SSUH2: variants seen among roughly 807,000 people sequenced by gnomAD.
SSUH2 encodes ssu-2 homolog.
In SSUH2, 47 loss-of-function variants were observed where a neutral mutation model predicts 55.3. That is an observed-to-expected ratio of 0.85 (90% CI 0.67 to 1.08). The LOEUF (loss-of-function observed/expected upper bound fraction) is 1.08, where lower values mean the gene tolerates loss of function less well. Among genes scored for constraint, SSUH2 ranks in the 50% least tolerant of loss-of-function variants. The pLI, the probability that SSUH2 is intolerant of heterozygous loss-of-function variation, is 0.00. For missense variants in SSUH2, 535 were observed against 490.7 expected (o/e 1.09, Z -0.85); for synonymous variants, 212 against 191.5 (o/e 1.11, Z -0.89).
Position 8,619,676 on chromosome 3 carries a change from G to C in SSUH2, c.*192C>G. On this transcript the variant is annotated 3_prime_UTR_variant, in exon 12 of 12. Coordinates refer to ENST00000544814, the MANE Select transcript of SSUH2 (RefSeq NM_001256748.3). Reference sequence around the variant, plus strand: ...CTGAATTATTGTAGGTTAAACATATGAGTCATGGATTCCACCAGAGGAGCT... The same window carrying C: ...CTGAATTATTGTAGGTTAAACATATCAGTCATGGATTCCACCAGAGGAGCT... 1.8e-6 allele frequency: 1 copy of C among 542,898 alleles called. No homozygotes were observed. 33.6% of individuals were successfully genotyped at this position (542,898 alleles called of 1,614,324 possible). A position where few individuals can be genotyped will look rare whatever the true frequency, so the allele number is the denominator to read the frequency against.
At chr3:8,633,202 G>A (rs1238886038) in intron 4 of SSUH2, among the ~76,000 whole-genome samples, 1 of 147,890 alleles carries the variant, frequency 6.8e-6, no homozygotes, top group Non-Finnish European at 1.5e-5. Flanking sequence ...GGAGTGCAAT[G>A]GCACCATCTC....
intron 1 of SSUH2, among the ~76,000 whole-genome samples, chr3:8,640,678 A>G (rs1308384405): frequency 6.6e-6 from 1 of 152,162 alleles, no homozygotes; most frequent in African/African-American, 2.4e-5. Flanking sequence ...GGAGAAAGGC[A>G]AGCCTGCTGG....
upstream of SSUH2, among the ~76,000 whole-genome samples, chr3:8,649,205 A>G (rs61302856): frequency 0.026 from 3,922 of 152,200 alleles, 187 homozygotes; most frequent in African/African-American, 0.089. Flanking sequence ...CCTCCTCCTC[A>G]AAGTCTTCTT....
chr3:8,650,332 A>T (rs1442932243), intron 7 of SSUH2, among the ~76,000 whole-genome samples: 1 of 152,242 alleles, frequency 6.6e-6, no homozygotes, highest in African/African-American at 2.4e-5. Context: ...CCAAGATAAA[A>T]ATCCCAAAAA....
At chr3:8,637,754 T>C (rs960684522) in intron 1 of SSUH2, among the ~76,000 whole-genome samples, 6 of 152,206 alleles carry the variant, frequency 3.9e-5, no homozygotes, top group Non-Finnish European at 8.8e-5. Context: ...GAAATGGTCA[T>C]GGAAGGGGAC....
At chr3:8,645,912 A>G (rs191336208), upstream of SSUH2, among the ~76,000 whole-genome samples, 410 of 152,284 alleles carry the variant, frequency 2.7e-3, 1 homozygote, top group African/African-American at 7.4e-3. Flanking sequence ...CAGTATTCAC[A>G]ATTTCACAAA....
upstream of SSUH2, among the ~76,000 whole-genome samples, chr3:8,648,034 C>G (rs539455984): frequency 6.6e-6 from 1 of 152,296 alleles, no homozygotes; most frequent in African/African-American, 2.4e-5. Flanking sequence ...AGGCCCAAGT[C>G]GTGGACCTCT....
intron 3 of SSUH2, among the ~76,000 whole-genome samples, chr3:8,634,852 C>G (rs1278343196): frequency 6.6e-6 from 1 of 152,186 alleles, no homozygotes; most frequent in East Asian, 1.9e-4. Context: ...GGATATGGGC[C>G]TTTCCGCGGA....
chr3:8,681,338 C>T (rs379500), intron 1 of SSUH2, among the ~76,000 whole-genome samples: 40,050 of 145,554 alleles, frequency 0.28, 5,386 homozygotes, highest in South Asian at 0.34. Flanking sequence ...GCACCCCCCG[C>T]GGCTCGGGGA....
intron 5 of SSUH2, among the ~76,000 whole-genome samples, chr3:8,669,154 T>C (rs1704275692): frequency 6.6e-6 from 1 of 152,230 alleles, no homozygotes. Context: ...ACAACAATTT[T>C]AATTATTTGT....
intron 2 of SSUH2, chr3:8,679,582 GCT>G (rs1165838064): frequency 1.9e-5 from 3 of 160,780 alleles, no homozygotes; most frequent in Non-Finnish European, 3.9e-5. Context: ...TCCCCCCCTG[GCT>G]CTTGGGACCC....
intron 3 of SSUH2, among the ~76,000 whole-genome samples, chr3:8,635,044 G>A (rs1446681173): frequency 6.6e-6 from 1 of 152,240 alleles, no homozygotes; most frequent in Non-Finnish European, 1.5e-5. Context: ...GCAGTGGACT[G>A]GATTTGGCCC....
At chr3:8,681,386 C>T (rs1705935721) in intron 1 of SSUH2, among the ~76,000 whole-genome samples, 1 of 148,774 alleles carries the variant, frequency 6.7e-6, no homozygotes, top group African/African-American at 2.5e-5. Flanking sequence ...GCTCTGAGGA[C>T]ACCCATCGCA....
chr3:8,633,785 T>A lies in SSUH2; in HGVS notation c.220A>T (p.Met74Leu). ...GCTTCCCGGGCCACCTCCTCCGTCA[T>A]CGCAGGGACTCTGCAGGGGACCGAA... ...PSFLEHRVPA[M>L]TEEVAREALL... is the part of the protein sequence containing the mutation. Residue 74 changes from methionine (M) to leucine (L), a missense_variant, in exon 4 of 12, where the codon ATG (methionine) becomes TTG (leucine). Met to Leu is a conservative substitution (Grantham distance 15, BLOSUM62 2). Coordinates refer to ENST00000544814, the MANE Select transcript of SSUH2 (RefSeq NM_001256748.3). 1.9e-6 allele frequency: 3 copies of A among 1,613,246 alleles called. No individual in the cohort carries two copies. The highest frequency in any genetic ancestry group is 2.5e-6 in the Non-Finnish European group (3 of 1,179,678).
intron 6 of SSUH2, chr3:8,663,714 T>C: frequency 2.3e-6 from 1 of 433,980 alleles, no homozygotes; most frequent in Non-Finnish European, 4.6e-6. Flanking sequence ...CCAAAGCTAT[T>C]GGGACACACT....
intron 6 of SSUH2, 133 bp downstream of exon 6, chr3:8,630,672 A>AT: frequency 1.2e-6 from 1 of 819,406 alleles, no homozygotes; most frequent in South Asian, 6.0e-5. Context: ...ACGTTTATTT[A>AT]TAACCAACAA....
chr3:8,673,042 GA>G (rs758265851), intron 3 of SSUH2, among the ~76,000 whole-genome samples: 25 of 151,798 alleles, frequency 1.6e-4, no homozygotes, highest in Non-Finnish European at 3.1e-4. Context: ...ATATAAACAT[GA>G]ATATGTATTA....
chr3:8,671,982 T>C (rs1181549779), exon 4 of SSUH2: 2 of 152,120 alleles, frequency 1.3e-5, no homozygotes, highest in Admixed American at 6.5e-5. Flanking sequence ...CCAACTATAT[T>C]ATAGACGGGT....
upstream of SSUH2, among the ~76,000 whole-genome samples, chr3:8,649,496 C>A (rs565783962): frequency 6.6e-6 from 1 of 152,088 alleles, no homozygotes; most frequent in African/African-American, 2.4e-5. Context: ...TCTGCTTTGA[C>A]CTCTCCTCTG....
Sources: allele counts gnomAD v4.1 joint callset (sites outside exome capture counted in the v4.1 genomes callset), GRCh38; gene constraint gnomAD v4.1.1; transcripts MANE v1.5; gene names NCBI Gene and HGNC (gene_info 2026-07-23, HGNC 2026-07-21).